CDH11: variants seen among roughly 807,000 people sequenced by gnomAD.
CDH11 encodes the protein cadherin-11.
Under a neutral mutation model 67.8 loss-of-function variants are expected in CDH11, and 11 were observed. The ratio of observed to expected loss-of-function variants is 0.16; its 90% confidence interval spans 0.10 to 0.27. The LOEUF (loss-of-function observed/expected upper bound fraction) is 0.27. CDH11 is among the 10% of genes least tolerant of loss of function. The probability of loss-of-function intolerance (pLI) is 1.00; values close to 1 mark genes in which losing one functional copy is unlikely to be tolerated. For synonymous variants in CDH11, 419 were observed against 400.0 expected (o/e 1.05, Z -0.57); for missense variants, 847 against 1,031.2 (o/e 0.82, Z 2.45).
intron 1 of CDH11, among the ~76,000 whole-genome samples, chr16:65,070,460 C>T (rs890701698): frequency 6.6e-6 from 1 of 152,166 alleles, no homozygotes; most frequent in African/African-American, 2.4e-5. Context: ...CTCGACTCAA[C>T]TGTACAAGTT....
At chr16:65,060,268 T>A (rs2074214874) in intron 1 of CDH11, among the ~76,000 whole-genome samples, 1 of 152,004 alleles carries the variant, frequency 6.6e-6, no homozygotes, top group Admixed American at 6.6e-5. Flanking sequence ...ATGATGATTT[T>A]GCTACCAAAT....
chr16:64,983,159 T>A lies in CDH11; in HGVS notation c.1000-858A>T, dbSNP rs555129561. 1.7e-4 allele frequency: 26 copies of A among 148,862 alleles called. No individual in the cohort carries two copies. In the South Asian group the frequency reaches 4.9e-3, roughly 28 times the overall value. The allele number at this position is 148,862 out of a possible 1,614,324, so 9.2% of individuals were successfully genotyped here. A position where few individuals can be genotyped will look rare whatever the true frequency, so the allele number is the denominator to read the frequency against. On this transcript the variant is annotated intron_variant, in intron 7 of 12. Coordinates refer to ENST00000268603, the MANE Select transcript of CDH11 (RefSeq NM_001797.4). The stretch of plus-strand genomic sequence containing the variant: ...CTTCTTTTTTTAAAAAAAAAAAGAA[T>A]GCATATATATTAAAGATGGTCTATT...
chr16:65,121,524 C>A lies in CDH11; in HGVS notation c.-298+356G>T, dbSNP rs2075329714. On this transcript the variant is annotated intron_variant, in intron 1 of 12. Coordinates refer to ENST00000268603, the MANE Select transcript of CDH11 (RefSeq NM_001797.4). This position sits in a 1 kb window ranked among gnomAD's most constrained non-coding sequence, Gnocchi z 4.1. ...CAGAGATATGACCGGGGACAGTCGG[C>A]GTGTCCGGAGGTCTGCTCTGCAGTC... is the stretch of plus-strand genomic sequence containing the variant. 2.0e-5 allele frequency among the ~76,000 whole-genome samples: 3 copies of A among 152,244 alleles called. No homozygotes were observed. Among genetic ancestry groups the A allele is most frequent in the Non-Finnish European group, 4.4e-5 (3 of 68,012 alleles).
At chr16:65,060,350 T>TAGAGAGAG (rs781392162) in intron 1 of CDH11, among the ~76,000 whole-genome samples, 1 of 140,240 alleles carries the variant, frequency 7.1e-6, no homozygotes, top group Non-Finnish European at 1.5e-5. Flanking sequence ...TATATATATA[T>TAGAGAGAG]ATATAGAGAG....
At chr16:65,089,368 A>G (rs1226590135) in intron 1 of CDH11, among the ~76,000 whole-genome samples, 1 of 152,196 alleles carries the variant, frequency 6.6e-6, no homozygotes, top group Non-Finnish European at 1.5e-5. Flanking sequence ...GATACCAAAA[A>G]ATTTAATAAC....
At chr16:64,967,096 G>A (rs1232688300) in intron 11 of CDH11, among the ~76,000 whole-genome samples, 2 of 152,120 alleles carry the variant, frequency 1.3e-5, no homozygotes, top group Non-Finnish European at 2.9e-5. Context: ...GAATTGACCT[G>A]GATGTGAGAA....
intron 1 of CDH11, among the ~76,000 whole-genome samples, chr16:65,107,370 A>C (rs1443316789): frequency 6.6e-6 from 1 of 152,182 alleles, no homozygotes; most frequent in East Asian, 1.9e-4. Flanking sequence ...CAGTGTGTGC[A>C]TACAGTAAAT....
intron 11 of CDH11, among the ~76,000 whole-genome samples, chr16:64,970,610 A>C (rs1448914067): frequency 1.3e-5 from 2 of 152,186 alleles, no homozygotes; most frequent in Non-Finnish European, 2.9e-5. Context: ...TATGGTACTG[A>C]TGATAGTGAT....
chr16:64,969,958 G>A (rs2071956549), intron 11 of CDH11, among the ~76,000 whole-genome samples: 1 of 152,130 alleles, frequency 6.6e-6, no homozygotes, highest in Non-Finnish European at 1.5e-5. Context: ...ACTTACAAGT[G>A]CACATTCACC....
In CDH11 at chr16:65,050,989, A is replaced by G. The variant is rs1053978410; in HGVS notation, c.-173+2815T>C. 2.0e-4 allele frequency among the ~76,000 whole-genome samples: 31 copies of G among 152,318 alleles called. 1 individual carries two copies. Among genetic ancestry groups the G allele is most frequent in the African/African-American group, 7.2e-4 (30 of 41,578 alleles). On this transcript the variant is annotated intron_variant, in intron 2 of 12. Transcript: ENST00000268603. ...AATGAAGAGCCCCATTTGGCTCAGCAGAAATGAGATGATCATCATTCACAG... is the reference window on the plus strand; with the variant it reads ...AATGAAGAGCCCCATTTGGCTCAGCGGAAATGAGATGATCATCATTCACAG...
intron 2 of CDH11, among the ~76,000 whole-genome samples, chr16:65,019,438 A>T (rs145745859): frequency 1.3e-5 from 2 of 152,196 alleles, no homozygotes; most frequent in East Asian, 3.8e-4. Flanking sequence ...TTGTTTATTC[A>T]AAAGACAAAC....
intron 1 of CDH11, among the ~76,000 whole-genome samples, chr16:65,057,710 G>A (rs1158028645): frequency 6.6e-6 from 1 of 152,136 alleles, no homozygotes; most frequent in Non-Finnish European, 1.5e-5. Flanking sequence ...TCAATGAAGG[G>A]AGCAGCATAG....
upstream of CDH11, among the ~76,000 whole-genome samples, chr16:65,122,868 C>G (rs774408161): frequency 6.6e-6 from 1 of 152,210 alleles, no homozygotes; most frequent in Non-Finnish European, 1.5e-5. Flanking sequence ...TTGGCCCCTA[C>G]CCCAGCCAGG....
intron 12 of CDH11, chr16:64,948,797 G>T (rs776381259): frequency 1.3e-6 from 2 of 1,569,038 alleles, no homozygotes; most frequent in Non-Finnish European, 1.7e-6. Flanking sequence ...CCTAGGAGGG[G>T]TGATCAGAGT....
At chr16:64,978,303 A>T (rs2072235664) in intron 8 of CDH11, among the ~76,000 whole-genome samples, 1 of 152,186 alleles carries the variant, frequency 6.6e-6, no homozygotes, top group Non-Finnish European at 1.5e-5. Context: ...CGCAGTGATG[A>T]TCTATAACAG....
intron 1 of CDH11, among the ~76,000 whole-genome samples, chr16:65,110,085 G>A (rs946976578): frequency 6.6e-6 from 1 of 152,014 alleles, no homozygotes; most frequent in Non-Finnish European, 1.5e-5. Context: ...TGCCCAAGCT[G>A]GTCTCAAACT....
In CDH11 at chr16:65,069,061, AATCTC is replaced by A. The variant is rs1189946771; in HGVS notation, c.-297-15138_-297-15134del. On this transcript the variant is annotated intron_variant, in intron 1 of 12. Transcript: ENST00000268603. ...TTGTCGGTATTGCAATTCTTTGCGT[AATCTC>A]ATTAAGTTTCACCCATATTGCCAAC... 1.6e-4 allele frequency among the ~76,000 whole-genome samples: 25 copies of A among 152,364 alleles called. No homozygotes were observed. In the East Asian group the frequency reaches 4.8e-3, roughly 29 times the overall value.
chr16:64,948,169 C>G (rs531590423), intron 12 of CDH11, 70 bp from the exon 13 acceptor site: 1 of 1,544,778 alleles, frequency 6.5e-7, no homozygotes, highest in South Asian at 1.2e-5. Flanking sequence ...GCCAGAGGAA[C>G]TCTGATTACC....
intron 3 of CDH11, 99 bp downstream of exon 3, chr16:65,004,543 C>T: frequency 7.9e-7 from 1 of 1,258,274 alleles, no homozygotes; most frequent in East Asian, 2.6e-5. Context: ...TTGGTGTTTT[C>T]TCTCTTAGAT....
Sources: gnomAD v4.1 joint callset for allele counts (sites outside exome capture counted in the v4.1 genomes callset) on GRCh38, gnomAD v4.1.1 for gene constraint, Gnocchi (gnomAD v3.1) non-coding constraint, MANE v1.5 for transcripts, NCBI Gene and HGNC (gene_info 2026-07-23, HGNC 2026-07-21) for gene names.